The following RPA3 variants were observed in gnomAD, a reference collection of about 807,000 sequenced individuals.
RPA3 encodes the protein replication protein A 14 kDa subunit.
Under a neutral mutation model 13.7 loss-of-function variants are expected in RPA3, and 24 were observed. The observed-to-expected ratio is 1.75, with a 90% CI of 1.27 to 2.46. RPA3 has a LOEUF of 2.46. RPA3 is among the 30% of genes most tolerant of loss of function. RPA3 has a pLI of 0.00. For synonymous variants in RPA3, 59 were observed against 51.2 expected, an observed-to-expected ratio of 1.15 and a Z score of -0.65; for missense variants, 183 against 151.0, an observed-to-expected ratio of 1.21 and a Z score of -1.11.
chr7:7,655,814 G>T (rs954378466), intron 4 of RPA3, among the ~76,000 whole-genome samples: 4 of 136,790 alleles, frequency 2.9e-5, no homozygotes, highest in African/African-American at 1.0e-4. Context: ...TATATATTTA[G>T]GACAGTCTCT....
At chr7:7,705,354 A>ACAC (rs1780571694) in intron 2 of RPA3, among the ~76,000 whole-genome samples, 1 of 152,228 alleles carries the variant, frequency 6.6e-6, no homozygotes, top group Non-Finnish European at 1.5e-5. Context: ...CACCTACATT[A>ACAC]TTAGAGTGCT....
At chr7:7,648,194 C>G (rs1470873492) in intron 4 of RPA3, among the ~76,000 whole-genome samples, 1 of 152,142 alleles carries the variant, frequency 6.6e-6, no homozygotes, top group Non-Finnish European at 1.5e-5. Flanking sequence ...TCCATTAGGA[C>G]TTAATTGCCT....
intron 4 of RPA3, chr7:7,673,489 T>A (rs1423279145): frequency 8.6e-6 from 6 of 698,556 alleles, no homozygotes; most frequent in Non-Finnish European, 1.5e-5. Flanking sequence ...ATTAGATGAA[T>A]TATGTTCTCT....
intron 4 of RPA3, among the ~76,000 whole-genome samples, chr7:7,668,969 ACATAG>A (rs1779537996): frequency 6.6e-6 from 1 of 152,178 alleles, no homozygotes; most frequent in Admixed American, 6.5e-5. Flanking sequence ...CACCTAATGG[ACATAG>A]CTTTGGGATG....
intron 4 of RPA3, among the ~76,000 whole-genome samples, chr7:7,677,263 C>T (rs763849408): frequency 6.6e-6 from 1 of 152,082 alleles, no homozygotes; most frequent in Non-Finnish European, 1.5e-5. Flanking sequence ...TCAATTTCCA[C>T]TCTTTTAGTT....
At chr7:7,689,244 C>T (rs1780114713) in intron 2 of RPA3, 1 of 152,172 alleles carries the variant, frequency 6.6e-6, no homozygotes, top group Admixed American at 6.5e-5. Context: ...CAGATACAGA[C>T]AGAAGAGACT....
At chr7:7,682,640 A>T (rs1001373419) in intron 4 of RPA3, among the ~76,000 whole-genome samples, 2 of 152,182 alleles carry the variant, frequency 1.3e-5, no homozygotes, top group Admixed American at 1.3e-4. Flanking sequence ...TCCTATTTTT[A>T]TTGCCTGTTC....
At chr7:7,697,720 T>C (rs886637154) in intron 2 of RPA3, among the ~76,000 whole-genome samples, 11 of 152,240 alleles carry the variant, frequency 7.2e-5, no homozygotes, top group African/African-American at 2.4e-4. Flanking sequence ...CTTTAAATTA[T>C]GGATCATCAG....
At chr7:7,645,387 C>T (rs1157652267) in intron 4 of RPA3, among the ~76,000 whole-genome samples, 4 of 152,174 alleles carry the variant, frequency 2.6e-5, no homozygotes, top group Non-Finnish European at 5.9e-5. Flanking sequence ...TGGTAGTGCA[C>T]TAAGACTCAG....
chr7:7,693,295 T>TTATCTATCCATC, intron 2 of RPA3, among the ~76,000 whole-genome samples: 1 of 148,996 alleles, frequency 6.7e-6, no homozygotes. Flanking sequence ...TAAAATATCT[T>TTATCTATCCATC]TATCTATCTA....
At chr7:7,704,694 G>C (rs6946042) in intron 2 of RPA3, among the ~76,000 whole-genome samples, 3,654 of 149,646 alleles carry the variant, frequency 0.024, 162 homozygotes, top group African/African-American at 0.086. Flanking sequence ...TTGAACCCAG[G>C]GGGTGGAGGT....
chr7:7,655,517 T>C (rs1785319349), intron 4 of RPA3, among the ~76,000 whole-genome samples: 1 of 152,224 alleles, frequency 6.6e-6, no homozygotes, highest in Admixed American at 6.5e-5. Flanking sequence ...TGCTCTATAA[T>C]TGATTTGTAG....
chr7:7,667,163 G>A (rs1419827920), intron 4 of RPA3, among the ~76,000 whole-genome samples: 1 of 152,176 alleles, frequency 6.6e-6, no homozygotes, highest in African/African-American at 2.4e-5. Flanking sequence ...GGATCCCTGA[G>A]TATTAAGATG....
intron 4 of RPA3, among the ~76,000 whole-genome samples, chr7:7,661,649 A>G (rs1319951328): frequency 6.6e-6 from 1 of 152,170 alleles, no homozygotes; most frequent in Non-Finnish European, 1.5e-5. Flanking sequence ...GCAGAACAGC[A>G]AAGATTGTTG....
At chr7:7,666,509 G>A (rs1779461114) in intron 4 of RPA3, among the ~76,000 whole-genome samples, 1 of 151,844 alleles carries the variant, frequency 6.6e-6, no homozygotes, top group East Asian at 1.9e-4. Context: ...TACCTGACCG[G>A]GGCAAATCTT....
At chr7:7,673,016 C>T (rs1001094374) in intron 4 of RPA3, among the ~76,000 whole-genome samples, 1 of 152,158 alleles carries the variant, frequency 6.6e-6, no homozygotes, top group South Asian at 2.1e-4. Context: ...TCCAGATTCT[C>T]GTGTTATCTG....
At chr7:7,707,156 G>A (rs913901220) in intron 2 of RPA3, among the ~76,000 whole-genome samples, 2 of 151,912 alleles carry the variant, frequency 1.3e-5, no homozygotes, top group African/African-American at 4.8e-5. Context: ...TTGAGGAGAT[G>A]GAATAAACAG....
intron 7 of RPA3, among the ~76,000 whole-genome samples, chr7:7,637,405 C>T (rs1434777039): frequency 6.6e-6 from 1 of 152,022 alleles, no homozygotes; most frequent in Non-Finnish European, 1.5e-5. Context: ...AATTATCTTT[C>T]AACAAACATT....
At chr7:7,691,774 T>C (rs1184540548) in intron 2 of RPA3, among the ~76,000 whole-genome samples, 3 of 152,210 alleles carry the variant, frequency 2.0e-5, no homozygotes, top group Non-Finnish European at 4.4e-5. Context: ...AATTTGATGG[T>C]ATTGAAGTGT....
Sources: allele counts gnomAD v4.1 joint callset (sites outside exome capture counted in the v4.1 genomes callset), GRCh38; gene constraint gnomAD v4.1.1; transcripts MANE v1.5; gene names NCBI Gene and HGNC (gene_info 2026-07-23, HGNC 2026-07-21).